The following CDX1 variants were observed in gnomAD, a reference collection of about 807,000 sequenced individuals.
CDX1 encodes caudal type homeobox 1.
Under a neutral mutation model 16.9 loss-of-function variants are expected in CDX1, and 9 were observed. That is an observed-to-expected ratio of 0.53 (90% CI 0.32 to 0.93). The LOEUF (loss-of-function observed/expected upper bound fraction) is 0.93, where lower values mean the gene tolerates loss of function less well. Among genes scored for constraint, CDX1 ranks in the 40% least tolerant of loss-of-function variants. The pLI is 0.04. For missense variants in CDX1, 393 were observed against 386.1 expected (o/e 1.02, Z -0.15); for synonymous variants, 179 against 179.0 (o/e 1.00, Z 0.00).
rs745748042 is a variant in CDX1 at position 150,182,813 on chromosome 5, A to G, written c.491A>G (p.His164Arg). 2 of 1,612,930 alleles carry G rather than the reference A, an allele frequency of 1.2e-6. No homozygotes were observed. The highest frequency in any genetic ancestry group is 1.7e-6 in the Non-Finnish European group (2 of 1,179,448). The change falls in exon 2 of 3, where the codon CAC (histidine) becomes CGC (arginine). Residue 164 changes from histidine (H) to arginine (R), a missense_variant. Coordinates refer to ENST00000231656, the MANE Select transcript of CDX1 (RefSeq NM_001804.3). ...AAGTACCGCGTGGTCTACACCGACC[A>G]CCAACGCCTGGAGCTGGAGAAGGAG... ...KDKYRVVYTD[H>R]QRLELEKEFH...
chr5:150,181,362 G>A (rs890045805), intron 1 of CDX1, among the ~76,000 whole-genome samples: 1 of 152,190 alleles, frequency 6.6e-6, no homozygotes, highest in African/African-American at 2.4e-5. Context: ...CCACCTCCCA[G>A]GTTCAAGCAA....
rs1429095858 is a variant in CDX1, at chr5:150,167,036, GC to G, written c.165del (p.Ala56ArgfsTer143). The stretch of plus-strand genomic sequence containing the variant: ...CTCCAGCTACTCTCACGTGGAGCCG[GC>G]CCCCGCGCCCCCGACGGCCTGGGGG... ...DFSSYSHVEP[A>X]PAPPTAWGAP... On this transcript the variant is annotated frameshift_variant, in exon 1 of 3. Transcript: ENST00000231656. LOFTEE classifies it high-confidence loss of function. The G allele has an allele frequency of 5.6e-6, 8 of 1,422,648 alleles. No individual in the cohort carries two copies. The highest frequency in any genetic ancestry group is 1.4e-5 in the South Asian group (1 of 69,368). The allele number at this position is 1,422,648 out of a possible 1,614,324, so 88.1% of individuals were successfully genotyped here.
At chr5:150,182,957 C>G in intron 2 of CDX1, 44 bp downstream of exon 2, 1 of 1,555,066 alleles carries the variant, frequency 6.4e-7, no homozygotes, top group East Asian at 2.3e-5. Flanking sequence ...AGTGCGAGGA[C>G]TCTGGTCTCC....
At chr5:150,173,034 G>T (rs1269649710) in intron 1 of CDX1, among the ~76,000 whole-genome samples, 1 of 152,042 alleles carries the variant, frequency 6.6e-6, no homozygotes, top group Non-Finnish European at 1.5e-5. Context: ...CCCATGCCAC[G>T]CTCACCCCTC....
Position 150,182,807 on chromosome 5 carries a change from C to A in CDX1, c.485C>A (p.Thr162Asn). ...RTKDKYRVVYTDHQRLELEKE... is the reference protein window; with the variant it reads ...RTKDKYRVVYNDHQRLELEKE... ...AAGGACAAGTACCGCGTGGTCTACA[C>A]CGACCACCAACGCCTGGAGCTGGAG... Residue 162 changes from threonine to asparagine, a missense_variant, in exon 2 of 3, where the codon ACC becomes AAC. Transcript: ENST00000231656. The A allele has an allele frequency of 1.2e-6, 2 of 1,612,738 alleles. No homozygotes were observed. Among genetic ancestry groups the A allele is most frequent in the Non-Finnish European group, 1.7e-6 (2 of 1,179,266 alleles).
At chr5:150,175,189 A>G (rs1580839263) in intron 1 of CDX1, among the ~76,000 whole-genome samples, 4 of 152,346 alleles carry the variant, frequency 2.6e-5, no homozygotes, top group South Asian at 4.1e-4. Flanking sequence ...CATAACTACC[A>G]TATAAAGAAA....
In CDX1 at chr5:150,167,093, G is replaced by A. The variant is rs1202500560; in HGVS notation, c.217G>A (p.Ala73Thr). 2 of 1,374,776 alleles carry A rather than the reference G, an allele frequency of 1.5e-6. No individual in the cohort carries two copies. Among genetic ancestry groups the A allele is most frequent in the African/African-American group, 1.5e-5 (1 of 65,162 alleles). 85.2% of individuals were successfully genotyped at this position (1,374,776 alleles called of 1,614,324 possible). ...CTTCCCTGCGCCCAAGGACGACTGG[G>A]CCGCCGCCTACGGCCCGGGCCCCGC... Reference protein sequence around the residue: ...APFPAPKDDWAAAYGPGPAAP... With the variant: ...APFPAPKDDWTAAYGPGPAAP... Residue 73 changes from alanine to threonine, a missense_variant, in exon 1 of 3, where the codon GCC becomes ACC. Transcript: ENST00000231656.
At chr5:150,175,668 A>G (rs975995268) in intron 1 of CDX1, among the ~76,000 whole-genome samples, 4 of 152,220 alleles carry the variant, frequency 2.6e-5, no homozygotes, top group Non-Finnish European at 5.9e-5. Context: ...CTGATGTCCC[A>G]GGAAGGGTAT....
intron 2 of CDX1, 37 bp downstream of exon 2, chr5:150,182,950 G>T: frequency 6.4e-7 from 1 of 1,567,612 alleles, no homozygotes; most frequent in Non-Finnish European, 8.6e-7. Flanking sequence ...TAGGAGCAGT[G>T]CGAGGACTCT....
At chr5:150,170,021 A>G (rs1761483750) in intron 1 of CDX1, among the ~76,000 whole-genome samples, 1 of 152,208 alleles carries the variant, frequency 6.6e-6, no homozygotes, top group Non-Finnish European at 1.5e-5. Context: ...ACAAGACTAC[A>G]GCATTTGCAC....
intron 1 of CDX1, among the ~76,000 whole-genome samples, chr5:150,179,136 A>G (rs1164991639): frequency 6.6e-6 from 1 of 152,056 alleles, no homozygotes; most frequent in African/African-American, 2.4e-5. Context: ...GCTAAGGAGG[A>G]TGTTTCAGTT....
At chr5:150,168,636 A>G (rs1207428436) in intron 1 of CDX1, among the ~76,000 whole-genome samples, 1 of 152,218 alleles carries the variant, frequency 6.6e-6, no homozygotes, top group African/African-American at 2.4e-5. Context: ...TGAAGAAACT[A>G]TGGCATAGAG....
intron 1 of CDX1, among the ~76,000 whole-genome samples, chr5:150,177,513 T>C (rs1303325860): frequency 6.6e-6 from 1 of 151,184 alleles, no homozygotes; most frequent in Admixed American, 6.6e-5. Flanking sequence ...CTTGTACCAT[T>C]TGATTGATAG....
intron 1 of CDX1, among the ~76,000 whole-genome samples, chr5:150,177,485 G>A (rs1761583289): frequency 6.6e-6 from 1 of 152,136 alleles, no homozygotes; most frequent in African/African-American, 2.4e-5. Context: ...CGCAGGGTTG[G>A]AGAGAACTAC....
chr5:150,182,152 G>A (rs962278215), intron 1 of CDX1, among the ~76,000 whole-genome samples: 1 of 152,212 alleles, frequency 6.6e-6, no homozygotes, highest in Non-Finnish European at 1.5e-5. Flanking sequence ...TCTACCTGTG[G>A]TGGCTCTTCC....
chr5:150,176,196 T>C (rs1360150742), intron 1 of CDX1, among the ~76,000 whole-genome samples: 1 of 152,196 alleles, frequency 6.6e-6, no homozygotes, highest in African/African-American at 2.4e-5. Context: ...CTGCCACCCT[T>C]GCAGCGCTCC....
intron 1 of CDX1, among the ~76,000 whole-genome samples, chr5:150,175,107 CTG>C (rs1285611920): frequency 3.9e-5 from 6 of 152,184 alleles, no homozygotes; most frequent in Non-Finnish European, 7.3e-5. Flanking sequence ...TTCTTTGTCT[CTG>C]TAGTATCATC....
At chr5:150,171,628 G>C (rs1048421252) in intron 1 of CDX1, among the ~76,000 whole-genome samples, 2 of 152,226 alleles carry the variant, frequency 1.3e-5, no homozygotes, top group African/African-American at 4.8e-5. Context: ...GAGCCACCGT[G>C]TCCGGCCTTT....
At chr5:150,167,731 C>G (rs1445665607) in intron 1 of CDX1, among the ~76,000 whole-genome samples, 1 of 152,238 alleles carries the variant, frequency 6.6e-6, no homozygotes, top group Non-Finnish European at 1.5e-5. Flanking sequence ...CCAGAAGGGA[C>G]GATTAACTAA....
Sources: allele counts gnomAD v4.1 joint callset (sites outside exome capture counted in the v4.1 genomes callset), GRCh38; gene constraint gnomAD v4.1.1; transcripts MANE v1.5; gene names NCBI Gene and HGNC (gene_info 2026-07-23, HGNC 2026-07-21).